The following QRICH1 variants were observed in gnomAD, a reference collection of about 807,000 sequenced individuals.
QRICH1 encodes transcriptional regulator QRICH1.
Under a neutral mutation model 87.1 loss-of-function variants are expected in QRICH1, and 16 were observed. The ratio of observed to expected loss-of-function variants is 0.18; its 90% CI spans 0.12 to 0.28. The LOEUF is 0.28. Among genes scored for constraint, QRICH1 ranks in the 10% least tolerant of loss-of-function variants. QRICH1 has a pLI of 1.00. For missense variants in QRICH1, 647 were observed against 951.7 expected (o/e 0.68, Z 4.21); for synonymous variants, 367 against 368.4 (o/e 1.00, Z 0.05).
At chr3:49,072,247 C>A (rs2041848943) in intron 2 of QRICH1, among the ~76,000 whole-genome samples, 1 of 152,150 alleles carries the variant, frequency 6.6e-6, no homozygotes, top group Non-Finnish European at 1.5e-5. Context: ...AATGCCACTG[C>A]ACTCTAGTCT....
At chr3:49,032,505 A>G in intron 8 of QRICH1, 117 bp downstream of exon 8, 4 of 1,338,042 alleles carry the variant, frequency 3.0e-6, no homozygotes, top group Non-Finnish European at 4.1e-6. Context: ...AAGGGAGTGG[A>G]GAATTTTATC....
At chr3:49,069,639 C>T (rs1474097690) in intron 2 of QRICH1, among the ~76,000 whole-genome samples, 3 of 146,352 alleles carry the variant, frequency 2.0e-5, no homozygotes, top group African/African-American at 7.6e-5. Context: ...TGTACCACTA[C>T]ATCTGGCTAA....
intron 1 of QRICH1, among the ~76,000 whole-genome samples, chr3:49,087,436 T>C (rs2042186748): frequency 6.7e-6 from 1 of 150,264 alleles, no homozygotes; most frequent in Non-Finnish European, 1.5e-5. Flanking sequence ...TCCCAGCTAC[T>C]AGGGAAGCTG....
chr3:49,042,350 C>T (rs780198612), intron 6 of QRICH1, among the ~76,000 whole-genome samples: 5 of 151,742 alleles, frequency 3.3e-5, no homozygotes, highest in South Asian at 2.1e-4. Context: ...CCACATGCCT[C>T]GGCCTCCCAA....
At chr3:49,046,684 G>T (rs924423887) in intron 4 of QRICH1, 105 bp from the exon 5 acceptor site, 1 of 1,222,110 alleles carries the variant, frequency 8.2e-7, no homozygotes. Context: ...ATGCTCACTT[G>T]TATCTACTAG....
rs555266245 is a variant in QRICH1 at position 49,089,952 on chromosome 3, T to A, written c.-22+3960A>T. On this transcript the variant is annotated intron_variant, in intron 1 of 9. Transcript: ENST00000395443. ...CTTTCGCCAGCATTTACTTTATAATTTGTCATTAAATTGTACAGAGATCGC... is the reference window on the plus strand; with the variant it reads ...CTTTCGCCAGCATTTACTTTATAATATGTCATTAAATTGTACAGAGATCGC... 2.6e-5 allele frequency among the ~76,000 whole-genome samples: 4 copies of A among 152,306 alleles called. No individual in the cohort carries two copies. The East Asian group carries it at 5.8e-4, about 22-fold the overall frequency.
rs574609722 is a variant in QRICH1, at chr3:49,058,068, G to GCACATTA, written c.310-185_310-179dup. 3.4e-5 allele frequency: 38 copies of GCACATTA among 1,103,678 alleles called. No homozygotes were observed. The East Asian group carries it at 6.2e-4, about 18-fold the overall frequency. 68.4% of individuals were successfully genotyped at this position (1,103,678 alleles called of 1,614,324 possible). ...AGACTAGATCCAGGATTGTCCAGCA[G>GCACATTA]CACATTACAATAACAGGGACATATA... is the stretch of plus-strand genomic sequence containing the variant. On this transcript the variant is annotated intron_variant, in intron 2 of 9. Transcript: ENST00000395443.
chr3:49,086,812 G>A (rs950500162), intron 1 of QRICH1: 1 of 152,012 alleles, frequency 6.6e-6, no homozygotes, highest in African/African-American at 2.4e-5. Flanking sequence ...TGGGCCCCCT[G>A]TATGGCTCTG....
At chr3:49,037,886 G>A (rs2093285330) in intron 6 of QRICH1, among the ~76,000 whole-genome samples, 1 of 152,072 alleles carries the variant, frequency 6.6e-6, no homozygotes, top group African/African-American at 2.4e-5. Context: ...GGCTGAGGCA[G>A]AATTGCTTGA....
At chr3:49,039,832 GGC>G in intron 6 of QRICH1, among the ~76,000 whole-genome samples, 1 of 152,074 alleles carries the variant, frequency 6.6e-6, no homozygotes, top group East Asian at 1.9e-4. Context: ...GGCTGAGGCA[GGC>G]GGATCACTTT....
intron 5 of QRICH1, among the ~76,000 whole-genome samples, chr3:49,045,903 TTTC>T (rs954788370): frequency 3.3e-5 from 5 of 151,270 alleles, no homozygotes; most frequent in African/African-American, 4.9e-5. Context: ...TCTTATTTTT[TTTC>T]TTTTCTTTTC....
intron 9 of QRICH1, among the ~76,000 whole-genome samples, chr3:49,030,991 CTTTTTTTTTTTTT>C (rs1162254467): frequency 7.5e-6 from 1 of 132,452 alleles, no homozygotes; most frequent in Non-Finnish European, 1.6e-5. Flanking sequence ...AGTCTTTGCG[CTTTTTTTTTTTTT>C]TTTTTTGAGA....
At chr3:49,046,753 C>A (rs556880889) in intron 4 of QRICH1, among the ~76,000 whole-genome samples, 174 bp from the exon 5 acceptor site, 2 of 152,234 alleles carry the variant, frequency 1.3e-5, no homozygotes, top group South Asian at 4.1e-4. Context: ...GAGCCTAATG[C>A]CAAGAAAGAA....
chr3:49,065,041 A>G (rs2093459259), intron 2 of QRICH1, among the ~76,000 whole-genome samples: 1 of 152,152 alleles, frequency 6.6e-6, no homozygotes, highest in Admixed American at 6.6e-5. Flanking sequence ...AAATAAAGCC[A>G]TTATATGTTA....
intron 3 of QRICH1, 75 bp from the exon 4 acceptor site, chr3:49,047,321 G>T: frequency 7.6e-7 from 1 of 1,316,760 alleles, no homozygotes; most frequent in Non-Finnish European, 1.1e-6. Flanking sequence ...CCAGAAAAAT[G>T]TTATGTATAG....
chr3:49,073,750 G>A (rs549819810), intron 2 of QRICH1, among the ~76,000 whole-genome samples: 152 of 151,490 alleles, frequency 1.0e-3, no homozygotes, highest in Non-Finnish European at 1.8e-3. Flanking sequence ...AGGCTCAAGC[G>A]ATTCTCCCAT....
At chr3:49,031,150 C>A (rs2093235837) in intron 9 of QRICH1, among the ~76,000 whole-genome samples, 1 of 152,054 alleles carries the variant, frequency 6.6e-6, no homozygotes, top group Non-Finnish European at 1.5e-5. Flanking sequence ...CCAAGCCCAG[C>A]TAATTTTTGT....
upstream of QRICH1, chr3:49,094,359 C>G (rs937195059): frequency 7.4e-6 from 2 of 269,464 alleles, no homozygotes; most frequent in African/African-American, 4.4e-5. Context: ...GCCAGAGCCT[C>G]CTTTGGTCGA....
rs555777266 is a variant in QRICH1, at chr3:49,060,135, G to A, written c.310-2245C>T. 2.8e-4 allele frequency among the ~76,000 whole-genome samples: 42 copies of A among 150,658 alleles called. 1 individual carries two copies. In the South Asian group the frequency reaches 7.1e-3, roughly 26 times the overall value. On this transcript the variant is annotated intron_variant, in intron 2 of 9. Coordinates refer to ENST00000395443, the MANE Select transcript of QRICH1 (RefSeq NM_198880.3). ...CCTGACCTCATGATCCGCCCACCTCGGCCTCCCAAAGTGCTGGGATTACAG... is the reference window on the plus strand; with the variant it reads ...CCTGACCTCATGATCCGCCCACCTCAGCCTCCCAAAGTGCTGGGATTACAG...
Sources: allele counts gnomAD v4.1 joint callset (sites outside exome capture counted in the v4.1 genomes callset), GRCh38; gene constraint gnomAD v4.1.1; transcripts MANE v1.5; gene names NCBI Gene and HGNC (gene_info 2026-07-23, HGNC 2026-07-21).